Variants in SMYD3 observed in about 807,000 individuals in gnomAD.
The protein encoded by SMYD3 is histone-lysine N-methyltransferase SMYD3.
SMYD3 carries 36 observed loss-of-function variants against 57.7 expected under a neutral mutation model. The observed-to-expected ratio is 0.62, with a 90% CI of 0.48 to 0.82. The LOEUF (loss-of-function observed/expected upper bound fraction) is 0.82. Ranked by LOEUF, SMYD3 falls within the 40% of genes least tolerant of loss-of-function variation. The pLI is 0.00. For missense variants in SMYD3, 515 were observed against 538.8 expected (o/e 0.96, Z 0.44); for synonymous variants, 211 against 195.0 (o/e 1.08, Z -0.68).
At chr1:246,324,738 A>AT (rs890223133) in intron 5 of SMYD3, among the ~76,000 whole-genome samples, 1 of 151,534 alleles carries the variant, frequency 6.6e-6, no homozygotes, top group African/African-American at 2.4e-5. Flanking sequence ...GTTTTATGTT[A>AT]TTTTTTTATG....
chr1:245,980,839 A>C (rs146894790), intron 5 of SMYD3, among the ~76,000 whole-genome samples: 19 of 152,358 alleles, frequency 1.2e-4, no homozygotes, highest in Non-Finnish European at 2.5e-4. Flanking sequence ...CTAGACTAGC[A>C]GTCAACAAAC....
chr1:246,409,493 C>T (rs1337655371), intron 1 of SMYD3, among the ~76,000 whole-genome samples: 4 of 152,080 alleles, frequency 2.6e-5, no homozygotes, highest in African/African-American at 4.8e-5. Flanking sequence ...TGTAGATATG[C>T]AGCATTATTT....
intron 1 of SMYD3, among the ~76,000 whole-genome samples, chr1:246,506,307 G>A (rs535417395): frequency 6.6e-6 from 1 of 152,160 alleles, no homozygotes; most frequent in South Asian, 2.1e-4. Flanking sequence ...GCGCGTCCAG[G>A]CTTCCAAAAC....
chr1:245,782,875 T>C (rs1412983170), intron 10 of SMYD3, among the ~76,000 whole-genome samples: 2 of 152,236 alleles, frequency 1.3e-5, no homozygotes, highest in Non-Finnish European at 2.9e-5. Flanking sequence ...GGGCAATGCA[T>C]AGTGAAACGC....
At chr1:246,101,064 GTTTTTTGTTTTTTTTTTTTTTT>G (rs1240688935) in intron 5 of SMYD3, among the ~76,000 whole-genome samples, 4 of 78,564 alleles carry the variant, frequency 5.1e-5, no homozygotes, top group South Asian at 3.6e-4. Flanking sequence ...ATTTTTAGGG[GTTTTTTGTTTTTTTTTTTTTTT>G]TTTTTTTTTT....
Position 246,506,991 on chromosome 1 carries a change from C to CG in SMYD3, c.164+62_164+63insC, listed in dbSNP as rs1246877768. ...CCCGCGGCTGCCGGCCGCCCGACGC[C>CG]CCCCCCTCCCCAGCACCCCACACAG... On this transcript the variant is annotated intron_variant, in intron 1 of 11. Transcript: ENST00000490107. 18 of 815,398 alleles carry CG rather than the reference C, an allele frequency of 2.2e-5. No individual in the cohort carries two copies. In the African/African-American group the frequency reaches 3.9e-4, roughly 18 times the overall value. 50.5% of individuals were successfully genotyped at this position (815,398 alleles called of 1,614,324 possible). A position where few individuals can be genotyped will look rare whatever the true frequency, so the allele number is the denominator to read the frequency against.
intron 5 of SMYD3, among the ~76,000 whole-genome samples, chr1:245,993,455 C>G (rs1313947588): frequency 6.6e-6 from 1 of 151,950 alleles, no homozygotes; most frequent in Admixed American, 6.6e-5. Context: ...AAAATAGGAG[C>G]CAAGCATGGT....
rs1387185491 is a variant in SMYD3 at position 246,202,997 on chromosome 1, C to T, written c.531+124204G>A. Among the ~76,000 whole-genome samples, 5 of 152,054 alleles carry T rather than the reference C, an allele frequency of 3.3e-5. No individual in the cohort carries two copies. Among genetic ancestry groups the T allele is most frequent in the South Asian group, 2.1e-4 (1 of 4,802 alleles). ...AAATTTAGCTGGTCGTGGTGGTGGG[C>T]GCCTATAATCCCAGCTACTCAGGAG... On this transcript the variant is annotated intron_variant, in intron 5 of 11. Coordinates refer to ENST00000490107, the MANE Select transcript of SMYD3 (RefSeq NM_001167740.2). This position sits in a 1 kb window ranked among gnomAD's most constrained non-coding sequence, Gnocchi z 4.1.
rs115932696 is a variant in SMYD3 at position 246,322,035 on chromosome 1, G to A, written c.531+5166C>T. 5.2e-3 allele frequency among the ~76,000 whole-genome samples: 786 copies of A among 152,242 alleles called. 6 individuals are homozygous for A. The highest frequency in any genetic ancestry group is 0.01 in the Middle Eastern group (3 of 294). ...GCATACCAAAGTGCTAGGACTATAG[G>A]AGTGAGCCATTGTGCCTGACCAATA... On this transcript the variant is annotated intron_variant, in intron 5 of 11. Transcript: ENST00000490107.
chr1:245,857,179 T>C (rs11576912), intron 10 of SMYD3, among the ~76,000 whole-genome samples: 84,515 of 152,042 alleles, frequency 0.56, 26,677 homozygotes, highest in Non-Finnish European at 0.73. Flanking sequence ...GAGGAAACCA[T>C]CTACAGAAGT....
chr1:246,452,050 C>T (rs1447947630), intron 1 of SMYD3, among the ~76,000 whole-genome samples: 1 of 152,220 alleles, frequency 6.6e-6, no homozygotes, highest in Non-Finnish European at 1.5e-5. Flanking sequence ...CTAAATCTCT[C>T]ACTTCCTATT....
At chr1:246,223,211 C>T (rs1333353301) in intron 5 of SMYD3, among the ~76,000 whole-genome samples, 6 of 152,016 alleles carry the variant, frequency 3.9e-5, no homozygotes, top group Admixed American at 2.6e-4. Flanking sequence ...ATAAGGAAGC[C>T]GTGGGGCCAC....
At chr1:246,378,734 A>ATATATAATATAATATATTT (rs2066325119) in intron 1 of SMYD3, among the ~76,000 whole-genome samples, 1 of 103,374 alleles carries the variant, frequency 9.7e-6, no homozygotes, top group Non-Finnish European at 1.8e-5. Context: ...ATTATATATT[A>ATATATAATATAATATATTT]TATATAATTA....
At chr1:246,124,748 G>T (rs1282676507) in intron 5 of SMYD3, among the ~76,000 whole-genome samples, 1 of 152,104 alleles carries the variant, frequency 6.6e-6, no homozygotes, top group Admixed American at 6.5e-5. Context: ...ATATATCTTG[G>T]TTGAGAATGT....
chr1:245,833,059 C>CAAAAAAAAAAAAAAAAAAAAAAAAAAA (rs35215737), intron 10 of SMYD3, among the ~76,000 whole-genome samples: 4 of 40,832 alleles, frequency 9.8e-5, no homozygotes, highest in East Asian at 5.7e-4. Context: ...GAATATGTGA[C>CAAAAAAAAAAAAAAAAAAAAAAAAAAA]AAAAAAAAAA....
At chr1:245,897,669 T>C (rs550554010) in intron 8 of SMYD3, among the ~76,000 whole-genome samples, 8 of 152,046 alleles carry the variant, frequency 5.3e-5, no homozygotes, top group African/African-American at 1.7e-4. Context: ...CCAGGGCGGG[T>C]GGATCACTTG....
rs550955143 is a variant in SMYD3 at position 246,321,592 on chromosome 1, G to A, written c.531+5609C>T. The A allele has an allele frequency of 2.0e-5, 3 of 151,972 alleles. No homozygotes were observed. In the East Asian group the frequency reaches 5.8e-4, roughly 29 times the overall value. 9.4% of individuals were successfully genotyped at this position (151,972 alleles called of 1,614,324 possible). Reference sequence around the variant, plus strand: ...ATGGTTCTCTGCAGTCTCAAACTCCGGGGCTCAAGCAATCCTCCCATCTCA... The same window carrying A: ...ATGGTTCTCTGCAGTCTCAAACTCCAGGGCTCAAGCAATCCTCCCATCTCA... On this transcript the variant is annotated intron_variant, in intron 5 of 11. Transcript: ENST00000490107.
chr1:246,412,839 C>T (rs113353731), intron 1 of SMYD3, among the ~76,000 whole-genome samples: 1 of 103,352 alleles, frequency 9.7e-6, no homozygotes, highest in African/African-American at 3.8e-5. Flanking sequence ...GCCTCAGCAA[C>T]AAGAGTGAGA....
intron 1 of SMYD3, among the ~76,000 whole-genome samples, chr1:246,442,801 T>A (rs989026424): frequency 2.0e-5 from 3 of 152,010 alleles, no homozygotes; most frequent in African/African-American, 7.2e-5. Flanking sequence ...AAAGCTTTTG[T>A]GAAATGAAGG....
Sources: gnomAD v4.1 joint callset for allele counts (sites outside exome capture counted in the v4.1 genomes callset) on GRCh38, gnomAD v4.1.1 for gene constraint, Gnocchi (gnomAD v3.1) non-coding constraint, MANE v1.5 for transcripts, NCBI Gene and HGNC (gene_info 2026-07-23, HGNC 2026-07-21) for gene names.